IKZF2: variants seen among roughly 807,000 people sequenced by gnomAD.
IKZF2 encodes the protein zinc finger protein Helios.
A neutral mutation model predicts 49.2 loss-of-function variants in IKZF2; 15 were observed. That is an observed-to-expected ratio of 0.30 (90% confidence interval 0.20 to 0.47). IKZF2 has a LOEUF of 0.47. IKZF2 is among the 20% of genes least tolerant of loss of function. IKZF2 has a pLI of 1.00. For synonymous variants in IKZF2, 227 were observed against 221.4 expected, an observed-to-expected ratio of 1.03 and a Z score of -0.23; for missense variants, 567 against 664.6, an observed-to-expected ratio of 0.85 and a Z score of 1.61.
intron 4 of IKZF2, among the ~76,000 whole-genome samples, chr2:213,086,687 A>G (rs1193463969): frequency 6.6e-6 from 1 of 152,144 alleles, no homozygotes; most frequent in African/African-American, 2.4e-5. Flanking sequence ...GCCTCCAAAC[A>G]GTCAGGCACT....
At position 213,007,940 on chromosome 2, in the gene IKZF2, T is replaced by G. The variant is rs753973589; in HGVS notation, c.1001A>C (p.His334Pro). Residue 334 changes from histidine to proline, a missense_variant, in exon 9 of 9, where the codon CAC becomes CCC. By Grantham distance (77) the His-to-Pro change is moderately conservative. This residue lies in a region of IKZF2 where 310 missense variants were observed against 326.9 expected (regional missense o/e 0.95). Coordinates refer to ENST00000434687, the MANE Select transcript of IKZF2 (RefSeq NM_001387220.1). ...GCTTGGCGGGTGCTGCATCAGAGGGTGAAGGGCCTCAGCTCCAAGGTAGGT... is the reference window on the plus strand; with the variant it reads ...GCTTGGCGGGTGCTGCATCAGAGGGGGAAGGGCCTCAGCTCCAAGGTAGGT... The part of the protein sequence containing the change: ...AITYLGAEAL[H>P]PLMQHPPSTI... The G allele has an allele frequency of 1.2e-6, 2 of 1,613,478 alleles. No homozygotes were observed. The highest frequency in any genetic ancestry group is 2.2e-5 in the South Asian group (2 of 91,070).
intron 1 of IKZF2, among the ~76,000 whole-genome samples, chr2:213,150,851 T>C (rs1383212013): frequency 6.6e-6 from 1 of 151,414 alleles, no homozygotes. Context: ...TACTAGAACC[T>C]GTCAAAGTGA....
intron 7 of IKZF2, 51 bp downstream of exon 7, chr2:213,021,942 C>T (rs1489910351): frequency 1.5e-6 from 2 of 1,323,046 alleles, no homozygotes; most frequent in African/African-American, 3.0e-5. Flanking sequence ...TCATGTTGAA[C>T]TACAAAAGCA....
At chr2:213,064,455 T>G (rs142988606) in intron 4 of IKZF2, among the ~76,000 whole-genome samples, 14 of 152,126 alleles carry the variant, frequency 9.2e-5, no homozygotes, top group African/African-American at 2.6e-4. Context: ...GCAAAATATC[T>G]AACTTCCTGA....
intron 7 of IKZF2, chr2:213,014,960 G>C (rs900818938): frequency 1.3e-5 from 2 of 151,958 alleles, no homozygotes; most frequent in Non-Finnish European, 2.9e-5. Flanking sequence ...TGTTCAGTAT[G>C]CCCTGTAAAA....
intron 4 of IKZF2, among the ~76,000 whole-genome samples, chr2:213,068,886 T>A (rs1454368536): frequency 6.7e-6 from 1 of 149,578 alleles, no homozygotes; most frequent in Non-Finnish European, 1.5e-5. Flanking sequence ...TTCAGTTGAA[T>A]GTTGGCTAGT....
intron 7 of IKZF2, among the ~76,000 whole-genome samples, chr2:213,018,563 T>C (rs1559168305): frequency 2.6e-5 from 4 of 152,142 alleles, no homozygotes; most frequent in Admixed American, 6.6e-5. Flanking sequence ...TGTATCCTCA[T>C]TGGAGACATT....
chr2:213,139,038 G>A (rs2060776782), intron 4 of IKZF2, among the ~76,000 whole-genome samples: 1 of 151,994 alleles, frequency 6.6e-6, no homozygotes, highest in Non-Finnish European at 1.5e-5. Context: ...GTTGAAGGAA[G>A]TATCCTTTAT....
chr2:213,084,817 T>G (rs1310098170), intron 4 of IKZF2, among the ~76,000 whole-genome samples: 1 of 152,128 alleles, frequency 6.6e-6, no homozygotes, highest in Non-Finnish European at 1.5e-5. Flanking sequence ...CTTACAACTC[T>G]CTTTGCTCAT....
chr2:213,068,543 C>A (rs1702368615), intron 4 of IKZF2, among the ~76,000 whole-genome samples: 1 of 151,906 alleles, frequency 6.6e-6, no homozygotes, highest in Non-Finnish European at 1.5e-5. Flanking sequence ...TTTAAGTTTT[C>A]CATAAATAAC....
intron 4 of IKZF2, among the ~76,000 whole-genome samples, chr2:213,062,638 T>A (rs921890022): frequency 2.6e-5 from 4 of 151,932 alleles, no homozygotes; most frequent in Admixed American, 6.6e-5. Context: ...TTTTATATGG[T>A]TGGTTTCTGT....
At chr2:213,100,754 C>T (rs536371199) in intron 4 of IKZF2, among the ~76,000 whole-genome samples, 1 of 152,098 alleles carries the variant, frequency 6.6e-6, no homozygotes, top group South Asian at 2.1e-4. Context: ...ATTAACAGTA[C>T]CTGTGGCTAC....
chr2:213,152,233 G>A (rs2061303725), upstream of IKZF2: 1 of 152,330 alleles, frequency 6.6e-6, no homozygotes, highest in African/African-American at 2.4e-5. Context: ...AGGGAGCGGG[G>A]CGGCGATCTT....
intron 6 of IKZF2, among the ~76,000 whole-genome samples, chr2:213,037,172 T>C (rs1279592308): frequency 6.6e-6 from 1 of 152,186 alleles, no homozygotes; most frequent in Non-Finnish European, 1.5e-5. Context: ...GAGGACAGTG[T>C]AGATTATTCA....
In IKZF2 at chr2:213,142,590, GTATTGCTTATCCCTATT is replaced by G. The variant is rs2060913761; in HGVS notation, c.139+5101_139+5117del. Among the ~76,000 whole-genome samples, 3 of 151,932 alleles carry G rather than the reference GTATTGCTTATCCCTATT, an allele frequency of 2.0e-5. No homozygotes were observed. In the South Asian group the frequency reaches 6.2e-4, roughly 31 times the overall value. ...ATCTCACAACAGCCCATTGAGGTAG[GTATTGCTTATCCCTATT>G]CTACGGATAAGGAAACTGGAGCTCA... On this transcript the variant is annotated intron_variant, in intron 4 of 8. Coordinates refer to ENST00000434687, the MANE Select transcript of IKZF2 (RefSeq NM_001387220.1).
rs916771345 is a variant in IKZF2, at chr2:213,005,002, T to A, written c.*2358A>T. On this transcript the variant is annotated 3_prime_UTR_variant, in exon 9 of 9. Transcript: ENST00000434687. ...GATTGTTCATATACTGAAAAAAAAA[T>A]AAGTAGGAAGAAAATTCATAGATAA... 1 of 151,902 alleles carries A rather than the reference T, an allele frequency of 6.6e-6. No homozygotes were observed. Among genetic ancestry groups the A allele is most frequent in the Non-Finnish European group, 1.5e-5 (1 of 67,762 alleles). The allele number at this position is 151,902 out of a possible 1,614,324, so 9.4% of individuals were successfully genotyped here.
intron 8 of IKZF2, among the ~76,000 whole-genome samples, chr2:213,011,563 C>A (rs17277346): frequency 0.22 from 33,794 of 151,858 alleles, 4,144 homozygotes; most frequent in Non-Finnish European, 0.26. Flanking sequence ...ATGTTGAAAT[C>A]AGTTCCAGCG....
chr2:213,141,759 A>G (rs543166653), intron 4 of IKZF2, among the ~76,000 whole-genome samples: 3 of 152,066 alleles, frequency 2.0e-5, no homozygotes, highest in South Asian at 2.1e-4. Flanking sequence ...CCACTAGAGT[A>G]TGAGTTCCTG....
chr2:213,142,418 T>G (rs2060907548), intron 4 of IKZF2, among the ~76,000 whole-genome samples: 1 of 151,966 alleles, frequency 6.6e-6, no homozygotes. Flanking sequence ...TAGACTTGGA[T>G]TTGAAAACAA....
Sources: allele counts gnomAD v4.1 joint callset (sites outside exome capture counted in the v4.1 genomes callset), GRCh38; gene constraint gnomAD v4.1.1; regional missense constraint gnomAD v4.1.1; transcripts MANE v1.5; gene names NCBI Gene and HGNC (gene_info 2026-07-23, HGNC 2026-07-21).